The following PMFBP1 variants were observed in gnomAD, a reference collection of about 807,000 sequenced individuals.
PMFBP1 encodes polyamine-modulated factor 1-binding protein 1.
Under a neutral mutation model 137.8 loss-of-function variants are expected in PMFBP1, and 131 were observed. That is an observed-to-expected ratio of 0.95 (90% confidence interval 0.82 to 1.10). The LOEUF is 1.10. Ranked by LOEUF, PMFBP1 falls within the 50% of genes least tolerant of loss-of-function variation. The pLI is 0.00. For missense variants in PMFBP1, 1,199 were observed against 1,175.4 expected, an observed-to-expected ratio of 1.02 and a Z score of -0.29; for synonymous variants, 490 against 450.4, an observed-to-expected ratio of 1.09 and a Z score of -1.11.
upstream of PMFBP1, among the ~76,000 whole-genome samples, chr16:72,173,552 GA>G (rs913299896): frequency 6.6e-6 from 1 of 152,080 alleles, no homozygotes; most frequent in African/African-American, 2.4e-5. Context: ...TAAGTAGGAA[GA>G]AAAAAAGAGA....
intron 3 of PMFBP1, among the ~76,000 whole-genome samples, chr16:72,160,426 T>C (rs3844425): frequency 0.59 from 90,054 of 152,068 alleles, 27,895 homozygotes; most frequent in African/African-American, 0.77. Flanking sequence ...GTAATAACAC[T>C]TGCCAATTCC....
chr16:72,157,704 A>G (rs983513028), intron 3 of PMFBP1, among the ~76,000 whole-genome samples: 2 of 152,174 alleles, frequency 1.3e-5, no homozygotes, highest in African/African-American at 4.8e-5. Context: ...GATCTCCCTG[A>G]GCTTTTATGA....
At chr16:72,189,320 T>TAA in the PMFBP1 span, among the ~76,000 whole-genome samples, 1 of 152,208 alleles carries the variant, frequency 6.6e-6, no homozygotes, top group Non-Finnish European at 1.5e-5. Flanking sequence ...CACCACATGC[T>TAA]GCCGTCCCTT....
chr16:72,184,188 C>T, the PMFBP1 span, among the ~76,000 whole-genome samples: 1 of 152,098 alleles, frequency 6.6e-6, no homozygotes, highest in Non-Finnish European at 1.5e-5. Context: ...CTGGTCTTGT[C>T]CTCCCCATTC....
At chr16:72,177,689 G>T (rs1237000655), upstream of PMFBP1, among the ~76,000 whole-genome samples, 4 of 152,136 alleles carry the variant, frequency 2.6e-5, no homozygotes, top group Non-Finnish European at 5.9e-5. Context: ...TACTTTGTTA[G>T]GATGTCACCA....
chr16:72,168,758 C>T (rs986209436), intron 2 of PMFBP1, among the ~76,000 whole-genome samples: 2 of 152,176 alleles, frequency 1.3e-5, no homozygotes, highest in Non-Finnish European at 2.9e-5. Flanking sequence ...AAACATATGA[C>T]AGCAGCAGCA....
chr16:72,226,523 T>C, the PMFBP1 span, among the ~76,000 whole-genome samples: 1 of 152,202 alleles, frequency 6.6e-6, no homozygotes, highest in Non-Finnish European at 1.5e-5. Flanking sequence ...TTTTATTTGC[T>C]TCTCACTAAA....
At chr16:72,126,205 A>T in intron 14 of PMFBP1, 73 bp from the exon 15 acceptor site, 6 of 1,524,334 alleles carry the variant, frequency 3.9e-6, no homozygotes, top group Non-Finnish European at 5.3e-6. Flanking sequence ...GCCTATAGGA[A>T]ATGAACAAGA....
At chr16:72,175,545 C>T (rs1030335499), upstream of PMFBP1, among the ~76,000 whole-genome samples, 4 of 152,120 alleles carry the variant, frequency 2.6e-5, no homozygotes, top group African/African-American at 7.2e-5. Context: ...CAAGGAACAC[C>T]GACTATTCCT....
At chr16:72,211,783 T>G in the PMFBP1 span, among the ~76,000 whole-genome samples, 2 of 152,062 alleles carry the variant, frequency 1.3e-5, no homozygotes, top group African/African-American at 4.8e-5. Context: ...CTGCTTGAGC[T>G]CAGGAGTTCG....
chr16:72,241,370 T>C, the PMFBP1 span, among the ~76,000 whole-genome samples: 3 of 152,202 alleles, frequency 2.0e-5, no homozygotes, highest in African/African-American at 7.2e-5. Flanking sequence ...TAAACAAAAG[T>C]AGCAGGCTAT....
At chr16:72,235,205 AT>A in the PMFBP1 span, among the ~76,000 whole-genome samples, 2 of 152,010 alleles carry the variant, frequency 1.3e-5, no homozygotes, top group African/African-American at 2.4e-5. Flanking sequence ...TTTTGAGTTA[AT>A]TTTTGTGTAT....
chr16:72,202,674 G>T, the PMFBP1 span, among the ~76,000 whole-genome samples: 1 of 152,180 alleles, frequency 6.6e-6, no homozygotes, highest in African/African-American at 2.4e-5. Context: ...AACTGCACTA[G>T]CTCTGGTGCC....
downstream of PMFBP1, among the ~76,000 whole-genome samples, chr16:72,117,117 TA>T (rs1237244800): frequency 6.6e-6 from 1 of 151,932 alleles, no homozygotes; most frequent in African/African-American, 2.4e-5. Context: ...GACATCTTAA[TA>T]TTAAGTCTTT....
At chr16:72,218,087 AT>A in the PMFBP1 span, among the ~76,000 whole-genome samples, 1 of 152,200 alleles carries the variant, frequency 6.6e-6, no homozygotes, top group Admixed American at 6.5e-5. Flanking sequence ...ACTACTAGAT[AT>A]TTAGGTCTGC....
intron 3 of PMFBP1, among the ~76,000 whole-genome samples, chr16:72,156,725 G>A (rs553034475): frequency 7.9e-5 from 12 of 152,156 alleles, no homozygotes; most frequent in Admixed American, 2.6e-4. Flanking sequence ...ATGGATATTT[G>A]GGTTGTTTCA....
At chr16:72,249,323 A>C in the PMFBP1 span, among the ~76,000 whole-genome samples, 2 of 151,978 alleles carry the variant, frequency 1.3e-5, no homozygotes, top group Non-Finnish European at 2.9e-5. Context: ...AAGCAGGCGA[A>C]TGTATGGGGA....
intron 10 of PMFBP1, 125 bp downstream of exon 10, chr16:72,132,623 G>A: frequency 6.9e-7 from 1 of 1,458,076 alleles, no homozygotes; most frequent in South Asian, 1.3e-5. Context: ...GCCCTGAGAA[G>A]GTCTGCAGTG....
chr16:72,140,217 T>C (rs1378805635), intron 6 of PMFBP1, among the ~76,000 whole-genome samples, 195 bp downstream of exon 6: 2 of 152,206 alleles, frequency 1.3e-5, no homozygotes, highest in Admixed American at 6.5e-5. Flanking sequence ...TAAGATTCTT[T>C]AGAATCTCAC....
Sources: allele counts gnomAD v4.1 joint callset (sites outside exome capture counted in the v4.1 genomes callset), GRCh38; gene constraint gnomAD v4.1.1; transcripts MANE v1.5; gene names NCBI Gene and HGNC (gene_info 2026-07-23, HGNC 2026-07-21).